The following PHACTR2 variants were observed in gnomAD, a reference collection of about 807,000 sequenced individuals.
PHACTR2 encodes phosphatase and actin regulator 2.
PHACTR2 carries 30 observed loss-of-function variants against 76.0 expected under a neutral mutation model. That is an observed-to-expected ratio of 0.39 (90% CI 0.30 to 0.54). The LOEUF (loss-of-function observed/expected upper bound fraction) is 0.54. PHACTR2 is among the 20% of genes least tolerant of loss of function. PHACTR2 has a pLI of 0.61. For missense variants in PHACTR2, 696 were observed against 781.1 expected, an observed-to-expected ratio of 0.89 and a Z score of 1.30; for synonymous variants, 292 against 292.5, an observed-to-expected ratio of 1.00 and a Z score of 0.02.
intron 3 of PHACTR2, among the ~76,000 whole-genome samples, chr6:143,752,441 G>A (rs749409735): frequency 2.6e-5 from 4 of 152,040 alleles, no homozygotes; most frequent in African/African-American, 7.2e-5. Flanking sequence ...TTGTTTTGAT[G>A]TATAGTCTTT....
chr6:143,540,390 C>T lies in PHACTR2; in HGVS notation c.217+3183C>T, dbSNP rs141292721. 6.3e-3 allele frequency among the ~76,000 whole-genome samples: 961 copies of T among 152,254 alleles called. 17 individuals are homozygous for T. The highest frequency in any genetic ancestry group is 0.021 in the African/African-American group (879 of 41,530). Reference sequence around the variant, plus strand: ...CCATCCTTGCTACCTGCAATCATTACCCCAGCCTCCCCCACAGCTCCACCT... The same window carrying T: ...CCATCCTTGCTACCTGCAATCATTATCCCAGCCTCCCCCACAGCTCCACCT... On this transcript the variant is annotated intron_variant, in intron 1 of 11. Coordinates refer to the PHACTR2 transcript ENST00000367584.
At chr6:143,796,730 G>C (rs1007891344) in intron 11 of PHACTR2, among the ~76,000 whole-genome samples, 1 of 152,154 alleles carries the variant, frequency 6.6e-6, no homozygotes, top group Non-Finnish European at 1.5e-5. Context: ...TCCCTGCAAA[G>C]GACATCAACT....
rs1775134497 is a variant in PHACTR2 at position 143,554,207 on chromosome 6, A to C, written c.217+17000A>C. The C allele has an allele frequency of 6.6e-6, 1 of 152,228 alleles. No homozygotes were observed. Among genetic ancestry groups the C allele is most frequent in the South Asian group, 2.1e-4 (1 of 4,830 alleles). 9.4% of individuals were successfully genotyped at this position (152,228 alleles called of 1,614,324 possible). Reference sequence around the variant, plus strand: ...TGTCTGCTTCTTCTCAGGAAGGGACAGTAACTAGCCAATTGATGGAGATTT... The same window carrying C: ...TGTCTGCTTCTTCTCAGGAAGGGACCGTAACTAGCCAATTGATGGAGATTT... On this transcript the variant is annotated intron_variant, in intron 1 of 11. Coordinates refer to the PHACTR2 transcript ENST00000367584. The surrounding 1 kb of genome is among the most constrained non-coding windows in gnomAD (Gnocchi z 5.9).
intron 12 of PHACTR2, among the ~76,000 whole-genome samples, chr6:143,815,241 T>A (rs540422661): frequency 1.3e-5 from 2 of 152,188 alleles, no homozygotes; most frequent in South Asian, 4.2e-4. Flanking sequence ...GCCCAGCCAG[T>A]GTGTGGTCTA....
At chr6:143,605,208 C>T (rs1775856666), upstream of PHACTR2, among the ~76,000 whole-genome samples, 1 of 152,090 alleles carries the variant, frequency 6.6e-6, no homozygotes, top group Non-Finnish European at 1.5e-5. This position sits in a 1 kb window ranked among gnomAD's most constrained non-coding sequence, Gnocchi z 5.0. Context: ...GATGCAGGTG[C>T]TCCAAATTAC....
Position 143,652,319 on chromosome 6 carries a change from A to G in PHACTR2, c.13+43997A>G, listed in dbSNP as rs944242153. ...GATTAAGTGTACAATCCCCAATAAA[A>G]TATTTTGAAGTTTTTCCAAAGAAAA... On this transcript the variant is annotated intron_variant, in intron 1 of 11. Coordinates refer to the PHACTR2 transcript ENST00000305766. The surrounding 1 kb of genome is among the most constrained non-coding windows in gnomAD (Gnocchi z 4.5). Among the ~76,000 whole-genome samples the G allele has an allele frequency of 4.6e-5, 7 of 152,208 alleles. No individual in the cohort carries two copies. The highest frequency in any genetic ancestry group is 1.0e-4 in the Non-Finnish European group (7 of 68,040).
Position 143,751,744 on chromosome 6 carries a change from C to T in PHACTR2, c.296-2010C>T, listed in dbSNP as rs1779185990. Among the ~76,000 whole-genome samples the T allele has an allele frequency of 6.6e-6, 1 of 150,488 alleles. No individual in the cohort carries two copies. Among genetic ancestry groups the T allele is most frequent in the African/African-American group, 2.4e-5 (1 of 41,022 alleles). On this transcript the variant is annotated intron_variant, in intron 3 of 12. Transcript: ENST00000440869. The surrounding 1 kb of genome is among the most constrained non-coding windows in gnomAD (Gnocchi z 5.7). ...TGGGCCGCTTATTGTCACCTGCCAT[C>T]CAGCTCAGCATCTTCTTGCCTTCCT...
In PHACTR2 at chr6:143,587,842, C is replaced by T. The variant is rs543898410; in HGVS notation, c.217+50635C>T. On this transcript the variant is annotated intron_variant, in intron 1 of 11. Coordinates refer to the PHACTR2 transcript ENST00000367584. ...CAGCCTGACCAACATGGAGAAACCC[C>T]GTCTCTACTAAAAATACAAAATTAG... Among the ~76,000 whole-genome samples the T allele has an allele frequency of 6.6e-5, 10 of 151,826 alleles. No homozygotes were observed. The East Asian group carries it at 9.7e-4, about 15-fold the overall frequency.
At chr6:143,675,431 T>A (rs1777224802), upstream of PHACTR2, among the ~76,000 whole-genome samples, 1 of 152,150 alleles carries the variant, frequency 6.6e-6, no homozygotes, top group Non-Finnish European at 1.5e-5. The surrounding 1 kb of genome is among the most constrained non-coding windows in gnomAD (Gnocchi z 4.9). Flanking sequence ...TTCAAGGAAT[T>A]TTGCAAGCTG....
In PHACTR2 at chr6:143,579,592, C is replaced by T. The variant is rs539198283; in HGVS notation, c.217+42385C>T. ...CCAAGGAACCCCCCCAATAAGGCAC[C>T]ATCTCAGAGAAGGCACTTCTTTGGG... On this transcript the variant is annotated intron_variant, in intron 1 of 11. Coordinates refer to the PHACTR2 transcript ENST00000367584. Among the ~76,000 whole-genome samples the T allele has an allele frequency of 2.0e-5, 3 of 152,144 alleles. No homozygotes were observed. The South Asian group carries it at 6.3e-4, about 32-fold the overall frequency.
chr6:143,661,711 A>T (rs1296724885), intron 1 of PHACTR2, among the ~76,000 whole-genome samples: 5 of 151,812 alleles, frequency 3.3e-5, no homozygotes, highest in Admixed American at 6.6e-5. Flanking sequence ...ATGCACCACC[A>T]CACCTGGCTA....
chr6:143,771,362 G>A (rs1775136713), intron 6 of PHACTR2, among the ~76,000 whole-genome samples: 1 of 146,964 alleles, frequency 6.8e-6, no homozygotes, highest in Non-Finnish European at 1.5e-5. Context: ...CTCAAGCTGG[G>A]ACTACAGGCA....
chr6:143,564,196 C>CATAT (rs59017997), intron 1 of PHACTR2, among the ~76,000 whole-genome samples: 4,674 of 39,312 alleles, frequency 0.12, 214 homozygotes, highest in South Asian at 0.14. Flanking sequence ...TGTGTGTGTG[C>CATAT]ATATATATAT....
chr6:143,596,450 T>C lies in PHACTR2; in HGVS notation c.217+59243T>C, dbSNP rs1775757764. ...CCCCAGATTGTTAGCAGAATATCAG[T>C]AATAAATGCTTAACAGCCAGTGTTT... On this transcript the variant is annotated intron_variant, in intron 1 of 11. Coordinates refer to the PHACTR2 transcript ENST00000367584. The surrounding 1 kb of genome is among the most constrained non-coding windows in gnomAD (Gnocchi z 4.6). 6.6e-6 allele frequency among the ~76,000 whole-genome samples: 1 copy of C among 152,226 alleles called. No individual in the cohort carries two copies. Among genetic ancestry groups the C allele is most frequent in the South Asian group, 2.1e-4 (1 of 4,834 alleles).
At chr6:143,746,546 C>G (rs1779070977) in intron 2 of PHACTR2, among the ~76,000 whole-genome samples, 1 of 152,146 alleles carries the variant, frequency 6.6e-6, no homozygotes, top group Admixed American at 6.5e-5. Context: ...ATCTCTGGGC[C>G]TGTTCCCAGG....
At chr6:143,668,049 G>A (rs13213864) in intron 1 of PHACTR2, among the ~76,000 whole-genome samples, 41,386 of 151,940 alleles carry the variant, frequency 0.27, 5,719 homozygotes, top group Middle Eastern at 0.39. Flanking sequence ...TTTGAGATAC[G>A]TTTTATCAAC....
At position 143,760,396 on chromosome 6, in the gene PHACTR2, T is replaced by C; in HGVS notation, c.455-5T>C. ...GTCTGCTTCTGTTCACTTTCTCGTT[T>C]ATAGAGAACACTGAAAACCACTCTG... On this transcript the variant is annotated splice_polypyrimidine_tract_variant and splice_region_variant and intron_variant, in intron 4 of 12. Coordinates refer to ENST00000440869, the MANE Select transcript of PHACTR2 (RefSeq NM_001100164.2). This position sits in a 1 kb window ranked among gnomAD's most constrained non-coding sequence, Gnocchi z 6.4. 1 of 1,605,518 alleles carries C rather than the reference T, an allele frequency of 6.2e-7. No individual in the cohort carries two copies. The highest frequency in any genetic ancestry group is 1.1e-5 in the South Asian group (1 of 89,940).
Position 143,678,208 on chromosome 6 carries a change from C to G in PHACTR2, c.45C>G (p.Ser15Arg), listed in dbSNP as rs931993409. 1.0e-4 allele frequency: 155 copies of G among 1,533,014 alleles called. No homozygotes were observed. Among genetic ancestry groups the G allele is most frequent in the Non-Finnish European group, 1.2e-4 (142 of 1,139,530 alleles). 95.0% of individuals were successfully genotyped at this position (1,533,014 alleles called of 1,614,324 possible). Residue 15 changes from serine to arginine, a missense_variant and splice_region_variant, in exon 1 of 13, where the codon AGC becomes AGG. By Grantham distance (110) the Ser-to-Arg change is moderately radical (BLOSUM62 -1). Around this residue, in one of 2 missense-constraint regions of PHACTR2, gnomAD observed 460 missense variants for 450.9 expected, o/e 1.02. Transcript: ENST00000440869. The surrounding 1 kb of genome is among the most constrained non-coding windows in gnomAD (Gnocchi z 6.2). The stretch of plus-strand genomic sequence containing the variant: ...CCACGCTGTCCCCGCAGCCCGGCAG[C>G]GGTGAGTCCGGGGCGCACGCGATGC... Reference protein sequence around the residue: ...SVSTLSPQPGSVDGLDKASIA... With the variant: ...SVSTLSPQPGRVDGLDKASIA...
chr6:143,778,587 A>G (rs570975431), intron 9 of PHACTR2, among the ~76,000 whole-genome samples: 1 of 152,248 alleles, frequency 6.6e-6, no homozygotes, highest in East Asian at 1.9e-4. Flanking sequence ...AAGAAGGAAA[A>G]TTTTGTGTTT....
Sources: allele counts gnomAD v4.1 joint callset (sites outside exome capture counted in the v4.1 genomes callset), GRCh38; gene constraint gnomAD v4.1.1; regional missense constraint gnomAD v4.1.1; non-coding constraint Gnocchi (gnomAD v3.1); transcripts MANE v1.5; gene names NCBI Gene and HGNC (gene_info 2026-07-23, HGNC 2026-07-21).